Variants in SUGP2 observed in about 807,000 individuals in gnomAD.
SUGP2 encodes SURP and G-patch domain containing 2, also known as SURP and G-patch domain-containing protein 2.
In SUGP2, 24 loss-of-function variants were observed where a neutral mutation model predicts 90.5. The observed-to-expected ratio is 0.27, with a 90% confidence interval of 0.19 to 0.37. The LOEUF (loss-of-function observed/expected upper bound fraction) is 0.37, where lower values mean the gene tolerates loss of function less well. SUGP2 is among the 10% of genes least tolerant of loss of function. The probability of loss-of-function intolerance (pLI) is 1.00; values close to 1 mark genes in which losing one functional copy is unlikely to be tolerated. For missense variants in SUGP2, 1,233 were observed against 1,363.3 expected (o/e 0.90, Z 1.51); for synonymous variants, 473 against 513.4 (o/e 0.92, Z 1.06).
intron 1 of SUGP2, among the ~76,000 whole-genome samples, chr19:19,032,868 C>T (rs1191681433): frequency 2.0e-5 from 3 of 152,180 alleles, no homozygotes; most frequent in East Asian, 3.9e-4. Context: ...AGAGACAACC[C>T]GTAGGGTCCA....
At chr19:19,004,086 C>T in intron 7 of SUGP2, 82 bp downstream of exon 7, 2 of 1,091,654 alleles carry the variant, frequency 1.8e-6, no homozygotes, top group Admixed American at 2.4e-5. Flanking sequence ...ATTAAAATGT[C>T]TCCACCTGTC....
intron 5 of SUGP2, 23 bp downstream of exon 5, chr19:19,009,832 G>C (rs771369183): frequency 6.4e-7 from 1 of 1,574,546 alleles, no homozygotes; most frequent in Non-Finnish European, 8.6e-7. Flanking sequence ...GCCCAGAGGA[G>C]GGGGACAGGA....
Position 19,009,966 on chromosome 19 carries a change from C to T in SUGP2, c.2227G>A (p.Gly743Arg). ...AAGCTGGGGTCCTGAGGAGAAGGTC[C>T]AACTGGGTCTGGCGGGCAGTCCTTG... is the stretch of plus-strand genomic sequence containing the variant. ...AAKDCPPDPV[G>R]PSPQDPSLEA... The change falls in exon 5 of 11, where the codon GGA (glycine) becomes AGA (arginine). Residue 743 changes from glycine (G) to arginine (R), a missense_variant. Gly to Arg is a moderately radical substitution (Grantham distance 125). Around this residue, in one of 8 missense-constraint regions of SUGP2, gnomAD observed 540 missense variants for 542.6 expected, o/e 1.00. Transcript: ENST00000452918. 1.9e-6 allele frequency: 3 copies of T among 1,614,188 alleles called. No homozygotes were observed. The highest frequency in any genetic ancestry group is 2.7e-5 in the African/African-American group (2 of 75,044).
At chr19:19,026,339 T>C in intron 2 of SUGP2, 113 bp from the exon 3 acceptor site, 2 of 1,036,122 alleles carry the variant, frequency 1.9e-6, no homozygotes, top group African/African-American at 1.6e-5. Context: ...AAAACTGCTT[T>C]ATACACCTCA....
At chr19:19,011,252 A>T (rs927120066) in intron 4 of SUGP2, among the ~76,000 whole-genome samples, 1 of 150,278 alleles carries the variant, frequency 6.7e-6, no homozygotes, top group Non-Finnish European at 1.5e-5. Flanking sequence ...GGTTCAGGTG[A>T]TCCTCCCACC....
intron 10 of SUGP2, 120 bp from the exon 11 acceptor site, chr19:18,993,860 A>T (rs1373220121): frequency 6.6e-6 from 1 of 152,094 alleles, no homozygotes; most frequent in Non-Finnish European, 1.5e-5. Flanking sequence ...CTGCAGAAGG[A>T]AAAGGATTTG....
At chr19:18,997,795 A>AG (rs2057667035) in intron 8 of SUGP2, among the ~76,000 whole-genome samples, 2 of 151,342 alleles carry the variant, frequency 1.3e-5, no homozygotes, top group African/African-American at 4.9e-5. Flanking sequence ...AAAAAAAAAA[A>AG]AAAAAAAAGA....
At chr19:19,001,347 T>C (rs1335828088) in intron 8 of SUGP2, among the ~76,000 whole-genome samples, 2 of 152,174 alleles carry the variant, frequency 1.3e-5, no homozygotes, top group African/African-American at 4.8e-5. Context: ...CAAGACATTA[T>C]CTCGTTTATC....
At chr19:19,026,336 C>T (rs966794796) in intron 2 of SUGP2, 110 bp from the exon 3 acceptor site, 12 of 1,037,908 alleles carry the variant, frequency 1.2e-5, no homozygotes, top group Non-Finnish European at 1.6e-5. Context: ...AGCAAAACTG[C>T]TTTATACACC....
At chr19:19,033,313 G>A (rs2059264618) in intron 1 of SUGP2, 124 bp downstream of exon 1, 3 of 1,054,148 alleles carry the variant, frequency 2.8e-6, no homozygotes, top group South Asian at 4.6e-5. Context: ...GGACGCGGCC[G>A]CCGCCGCAGC....
intron 2 of SUGP2, among the ~76,000 whole-genome samples, chr19:19,029,442 T>TC: frequency 1.5e-5 from 2 of 137,922 alleles, no homozygotes; most frequent in South Asian, 4.7e-4. Flanking sequence ...CCATTTTTTT[T>TC]CTTTTTTTTT....
chr19:19,026,290 A>T (rs191401625), intron 2 of SUGP2, 64 bp from the exon 3 acceptor site: 109 of 1,421,682 alleles, frequency 7.7e-5, no homozygotes, highest in Admixed American at 4.2e-4. Context: ...CAGAGAATGC[A>T]AACAGTGCAA....
upstream of SUGP2, chr19:19,033,578 T>A: frequency 8.3e-7 from 1 of 1,205,352 alleles, no homozygotes; most frequent in Non-Finnish European, 1.0e-6. Flanking sequence ...CGCCGCCGAG[T>A]CCTGGTGCGC....
At chr19:19,001,295 C>G (rs1245238221) in intron 8 of SUGP2, among the ~76,000 whole-genome samples, 1 of 152,152 alleles carries the variant, frequency 6.6e-6, no homozygotes, top group Non-Finnish European at 1.5e-5. Context: ...GGATTACAGG[C>G]GTGAGCCACC....
chr19:19,022,735 G>A (rs964010253), intron 3 of SUGP2, among the ~76,000 whole-genome samples: 42 of 152,104 alleles, frequency 2.8e-4, no homozygotes, highest in African/African-American at 9.9e-4. Flanking sequence ...GGTCCCTTAA[G>A]CCCTGAGCCT....
rs1364666592 is a variant in SUGP2 at position 19,030,984 on chromosome 19, C to T, written c.88G>A (p.Ala30Thr). 3 of 1,613,424 alleles carry T rather than the reference C, an allele frequency of 1.9e-6. No homozygotes were observed. In the South Asian group the frequency reaches 3.3e-5, roughly 18 times the overall value. The part of the protein sequence containing the change: ...KRYHMDASGE[A>T]VSETLQFKAQ... ...TTAAACTGAAGAGTTTCGCTTACAG[C>T]CTCACCACTGGCATCCATGTGATAT... Residue 30 changes from alanine (A) to threonine (T), a missense_variant, in exon 2 of 11, where the codon GCT becomes ACT. Coordinates refer to ENST00000452918, the MANE Select transcript of SUGP2 (RefSeq NM_001017392.5).
At chr19:19,000,644 C>G (rs897955480) in intron 8 of SUGP2, among the ~76,000 whole-genome samples, 1 of 150,434 alleles carries the variant, frequency 6.6e-6, no homozygotes, top group African/African-American at 2.4e-5. Flanking sequence ...TCAAGTGATC[C>G]CCCTGTCTTG....
chr19:19,000,646 CCT>C (rs780667697), intron 8 of SUGP2, among the ~76,000 whole-genome samples: 33 of 152,268 alleles, frequency 2.2e-4, no homozygotes, highest in East Asian at 7.7e-4. Context: ...AAGTGATCCC[CCT>C]GTCTTGGCCT....
At position 19,026,112 on chromosome 19, in the gene SUGP2, C is replaced by G. The variant is rs1000156347; in HGVS notation, c.236G>C (p.Gly79Ala). Residue 79 changes from glycine (G) to alanine (A), a missense_variant, in exon 3 of 11, where the codon GGC becomes GCC. Transcript: ENST00000452918. ...VAHSRDAGREGLRSDVFPGPS... is the reference protein window; with the variant it reads ...VAHSRDAGREALRSDVFPGPS... ...CCCTGGAAATACGTCACTTCTCAGG[C>G]CTTCTCTTCCGGCATCTCTAGAGTG... 3.1e-6 allele frequency: 5 copies of G among 1,614,008 alleles called. No homozygotes were observed. Among genetic ancestry groups the G allele is most frequent in the African/African-American group, 2.7e-5 (2 of 74,884 alleles).
Sources: allele counts gnomAD v4.1 joint callset (sites outside exome capture counted in the v4.1 genomes callset), GRCh38; gene constraint gnomAD v4.1.1; regional missense constraint gnomAD v4.1.1; transcripts MANE v1.5; gene names NCBI Gene and HGNC (gene_info 2026-07-23, HGNC 2026-07-21).